LHX8: variants seen among roughly 807,000 people sequenced by gnomAD.
LHX8 encodes the protein LIM/homeobox protein Lhx8.
In LHX8, 12 loss-of-function variants were observed where a neutral mutation model predicts 40.3. That is an observed-to-expected ratio of 0.30 (90% CI 0.19 to 0.48). LHX8 has a LOEUF of 0.48. Among genes scored for constraint, LHX8 ranks in the 20% least tolerant of loss-of-function variants. LHX8 has a pLI of 0.99. For synonymous variants in LHX8, 179 were observed against 162.0 expected (o/e 1.10, Z -0.80); for missense variants, 344 against 433.7 (o/e 0.79, Z 1.84).
At chr1:75,171,785 C>T in the LHX8 span, among the ~76,000 whole-genome samples, 2 of 152,158 alleles carry the variant, frequency 1.3e-5, no homozygotes, top group Non-Finnish European at 2.9e-5. Context: ...GCCTTCCCTT[C>T]TTTCCACCAA....
At chr1:75,180,454 T>G in the LHX8 span, among the ~76,000 whole-genome samples, 1 of 152,234 alleles carries the variant, frequency 6.6e-6, no homozygotes, top group Non-Finnish European at 1.5e-5. Flanking sequence ...CTTCAATCAC[T>G]GATACCCTTT....
chr1:75,160,784 C>G (rs371380208), intron 8 of LHX8, 35 bp from the exon 9 acceptor site: 9 of 1,461,744 alleles, frequency 6.2e-6, no homozygotes, highest in Admixed American at 3.3e-5. Context: ...ATGCACCCTA[C>G]AAAACTGATC....
chr1:75,143,798 G>A, intron 5 of LHX8, 47 bp from the exon 6 acceptor site: 2 of 1,335,728 alleles, frequency 1.5e-6, no homozygotes, highest in Non-Finnish European at 2.2e-6. Context: ...TAAGATGGGT[G>A]TACCCATTTG....
chr1:75,159,945 T>C (rs1243751709), intron 8 of LHX8: 1 of 152,164 alleles, frequency 6.6e-6, no homozygotes, highest in Admixed American at 6.6e-5. Context: ...GAATCCCTGT[T>C]TTGTTTTGTT....
chr1:75,130,619 C>G, upstream of LHX8: 1 of 1,144,090 alleles, frequency 8.7e-7, no homozygotes, highest in Non-Finnish European at 1.3e-6. Flanking sequence ...CCCTCTCTTA[C>G]CCTCAGAAAC....
chr1:75,136,592 C>T lies in LHX8; in HGVS notation c.-12-11C>T. The T allele has an allele frequency of 6.5e-7, 1 of 1,540,694 alleles. No homozygotes were observed. On this transcript the variant is annotated splice_polypyrimidine_tract_variant and intron_variant, in intron 1 of 8. Transcript: ENST00000356261. ...TGTTTCTCCATACTTTCTCCCCCTC[C>T]TACTCCGCAGTGTCAGGGGCTCATG... is the stretch of plus-strand genomic sequence containing the variant.
At chr1:75,151,165 T>G (rs1395406576) in intron 7 of LHX8, among the ~76,000 whole-genome samples, 1 of 152,202 alleles carries the variant, frequency 6.6e-6, no homozygotes, top group African/African-American at 2.4e-5. Context: ...GGTTTCATAA[T>G]TAACAAATCA....
intron 8 of LHX8, 102 bp downstream of exon 8, chr1:75,157,178 A>G: frequency 1.5e-6 from 2 of 1,301,550 alleles, no homozygotes; most frequent in East Asian, 2.4e-5. Flanking sequence ...ATATTACCTC[A>G]GTAGTAGCTG....
intron 4 of LHX8, among the ~76,000 whole-genome samples, chr1:75,141,751 A>G (rs1042673659): frequency 3.3e-5 from 5 of 152,168 alleles, no homozygotes; most frequent in African/African-American, 1.2e-4. Flanking sequence ...ATAATTCTGT[A>G]TGAACAGTTG....
chr1:75,179,256 A>G, the LHX8 span, among the ~76,000 whole-genome samples: 1 of 152,106 alleles, frequency 6.6e-6, no homozygotes, highest in Non-Finnish European at 1.5e-5. Flanking sequence ...TGATCTGTCT[A>G]CTATTGACAG....
the LHX8 span, among the ~76,000 whole-genome samples, chr1:75,195,752 CT>C: frequency 2.0e-5 from 3 of 151,864 alleles, no homozygotes; most frequent in African/African-American, 7.3e-5. Context: ...TCTCTCTCCC[CT>C]CTCTCCCTCT....
chr1:75,176,474 T>C, the LHX8 span, among the ~76,000 whole-genome samples: 8 of 152,368 alleles, frequency 5.3e-5, no homozygotes, highest in Middle Eastern at 3.4e-3. Flanking sequence ...TGTCTTCTTT[T>C]GAGAAGTGTC....
In LHX8 at chr1:75,156,884, C is replaced by T; in HGVS notation, c.781-9C>T. 1.2e-6 allele frequency: 2 copies of T among 1,614,044 alleles called. No homozygotes were observed. The highest frequency in any genetic ancestry group is 1.7e-6 in the Non-Finnish European group (2 of 1,179,964). On this transcript the variant is annotated splice_polypyrimidine_tract_variant and intron_variant, in intron 7 of 8. Coordinates refer to ENST00000356261, the MANE Select transcript of LHX8 (RefSeq NM_001256114.2). ...CCTACCTACTTCTGTTGCTTTTCTC[C>T]CTGCTCAGGTGTGGTTTCAGAATTG...
At chr1:75,141,405 T>C (rs1648307561) in intron 4 of LHX8, among the ~76,000 whole-genome samples, 2 of 152,104 alleles carry the variant, frequency 1.3e-5, no homozygotes, top group South Asian at 4.1e-4. Flanking sequence ...GTATAAAGTA[T>C]GAAAAACAAG....
At chr1:75,176,153 G>A in the LHX8 span, among the ~76,000 whole-genome samples, 1 of 152,306 alleles carries the variant, frequency 6.6e-6, no homozygotes, top group East Asian at 1.9e-4. Flanking sequence ...TGTCTTTATA[G>A]TAGCATGATT....
chr1:75,155,122 A>T (rs1318015057), intron 7 of LHX8, among the ~76,000 whole-genome samples: 1 of 151,750 alleles, frequency 6.6e-6, no homozygotes, highest in Admixed American at 6.6e-5. Context: ...TGATCCCAAA[A>T]TGTTCTCATG....
chr1:75,156,349 C>T lies in LHX8; in HGVS notation c.781-544C>T, dbSNP rs556435312. 3.3e-5 allele frequency among the ~76,000 whole-genome samples: 5 copies of T among 152,150 alleles called. No homozygotes were observed. In the East Asian group the frequency reaches 9.7e-4, roughly 29 times the overall value. On this transcript the variant is annotated intron_variant, in intron 7 of 8. Transcript: ENST00000356261. ...CTCTGCCTCCTGGGCTCAAGTGATT[C>T]TCCTGCCTCAGCCATCCGAGTAGCT...
upstream of LHX8, chr1:75,132,910 G>A (rs896073510): frequency 6.6e-6 from 1 of 151,866 alleles, no homozygotes; most frequent in Non-Finnish European, 1.5e-5. Context: ...CGGAAGAGCG[G>A]TCTCCACAAC....
the LHX8 span, among the ~76,000 whole-genome samples, chr1:75,174,733 A>T: frequency 1.3e-5 from 2 of 152,248 alleles, no homozygotes; most frequent in Admixed American, 6.5e-5. Context: ...GTAGAACATG[A>T]TAAAGTGCTA....
Sources: allele counts gnomAD v4.1 joint callset (sites outside exome capture counted in the v4.1 genomes callset), GRCh38; gene constraint gnomAD v4.1.1; transcripts MANE v1.5; gene names NCBI Gene and HGNC (gene_info 2026-07-23, HGNC 2026-07-21).